Variants in LRRC7 observed in about 807,000 individuals in gnomAD.
The protein encoded by LRRC7 is leucine-rich repeat-containing protein 7.
A neutral mutation model predicts 175.7 loss-of-function variants in LRRC7; 23 were observed. That is an observed-to-expected ratio of 0.13 (90% CI 0.09 to 0.19). LRRC7 has a LOEUF of 0.19. LRRC7 is among the 10% of genes least tolerant of loss of function. The probability of loss-of-function intolerance (pLI) is 1.00; values close to 1 mark genes in which losing one functional copy is unlikely to be tolerated. For synonymous variants in LRRC7, 685 were observed against 680.9 expected (o/e 1.01, Z -0.09); for missense variants, 1,354 against 1,904.7 (o/e 0.71, Z 5.38).
At chr1:69,682,336 A>T (rs1402707221) in intron 2 of LRRC7, among the ~76,000 whole-genome samples, 2 of 152,248 alleles carry the variant, frequency 1.3e-5, no homozygotes, top group African/African-American at 4.8e-5. Flanking sequence ...GAAGAAAGTG[A>T]TAAGTCCAGC....
chr1:69,790,163 G>A (rs1208342243), intron 3 of LRRC7, among the ~76,000 whole-genome samples: 3 of 151,994 alleles, frequency 2.0e-5, no homozygotes, highest in African/African-American at 7.2e-5. Flanking sequence ...GTTAGGTAAT[G>A]TATTGTTCTC....
intron 2 of LRRC7, among the ~76,000 whole-genome samples, chr1:69,739,372 T>C (rs527456763): frequency 7.9e-5 from 12 of 152,164 alleles, no homozygotes; most frequent in African/African-American, 2.4e-4. Flanking sequence ...CCATAGGGCT[T>C]TCAGCTGGTC....
At chr1:70,116,545 T>TAAA (rs1665868868) in intron 26 of LRRC7, among the ~76,000 whole-genome samples, 1 of 46,532 alleles carries the variant, frequency 2.1e-5, no homozygotes, top group Admixed American at 2.5e-4. Context: ...AGACTCCATG[T>TAAA]CAAAAAAAAA....
intron 1 of LRRC7, among the ~76,000 whole-genome samples, chr1:69,651,884 T>C (rs1655883704): frequency 6.6e-6 from 1 of 151,990 alleles, no homozygotes; most frequent in Non-Finnish European, 1.5e-5. Context: ...CTGGCAGAGT[T>C]TGCATTCCTG....
chr1:69,962,505 T>A (rs1246415430), intron 8 of LRRC7, among the ~76,000 whole-genome samples: 2 of 152,174 alleles, frequency 1.3e-5, no homozygotes, highest in Admixed American at 1.3e-4. Context: ...AATATAAATT[T>A]TTCTGTTATA....
chr1:69,879,234 A>AAAC (rs1686349892), intron 7 of LRRC7, among the ~76,000 whole-genome samples: 2 of 142,940 alleles, frequency 1.4e-5, no homozygotes, highest in South Asian at 4.3e-4. Context: ...AAAAAAAAAA[A>AAAC]AAGACTGCGC....
At chr1:69,708,789 T>C (rs1052302359) in intron 2 of LRRC7, among the ~76,000 whole-genome samples, 1 of 152,162 alleles carries the variant, frequency 6.6e-6, no homozygotes, top group Non-Finnish European at 1.5e-5. Flanking sequence ...TGGGCTAACC[T>C]GGACAGGTTT....
intron 2 of LRRC7, among the ~76,000 whole-genome samples, chr1:69,718,745 C>T (rs1666025627): frequency 6.6e-6 from 1 of 151,786 alleles, no homozygotes; most frequent in Admixed American, 6.6e-5. Context: ...GAAAAACTGA[C>T]TTCCAGTGTC....
chr1:70,045,614 T>A (rs1400187383), intron 22 of LRRC7, among the ~76,000 whole-genome samples: 1 of 152,160 alleles, frequency 6.6e-6, no homozygotes, highest in Non-Finnish European at 1.5e-5. Context: ...ATAGGCACCT[T>A]TCTTATAGGG....
At position 69,881,360 on chromosome 1, in the gene LRRC7, T is replaced by C. The variant is rs143688609; in HGVS notation, c.647+43077T>C. 8.0e-3 allele frequency among the ~76,000 whole-genome samples: 1,225 copies of C among 152,320 alleles called. 8 individuals are homozygous for C. The highest frequency in any genetic ancestry group is 0.037 in the South Asian group (178 of 4,822). ...ATGAAACTATTTCCAATATTATTCC[T>C]ATCAAAATTTCCAATGAAACCAGTA... On this transcript the variant is annotated intron_variant, in intron 7 of 26. Coordinates refer to ENST00000651989, the MANE Select transcript of LRRC7 (RefSeq NM_001370785.2).
intron 3 of LRRC7, among the ~76,000 whole-genome samples, chr1:69,770,571 T>C (rs1672124573): frequency 6.6e-6 from 1 of 152,230 alleles, no homozygotes; most frequent in South Asian, 2.1e-4. Flanking sequence ...AAACTACTTG[T>C]ATCACTATAA....
At chr1:69,813,848 G>A (rs1339834869) in intron 4 of LRRC7, among the ~76,000 whole-genome samples, 5 of 152,160 alleles carry the variant, frequency 3.3e-5, no homozygotes, top group African/African-American at 9.6e-5. Flanking sequence ...CTTGGATTAC[G>A]TGGTCTACAA....
chr1:69,719,933 G>A (rs558387634), intron 2 of LRRC7, among the ~76,000 whole-genome samples: 44 of 151,588 alleles, frequency 2.9e-4, no homozygotes, highest in African/African-American at 9.6e-4. Flanking sequence ...CACAAACACT[G>A]CCAACTTACA....
chr1:70,095,155 G>A (rs1174614625), intron 25 of LRRC7, among the ~76,000 whole-genome samples: 1 of 152,020 alleles, frequency 6.6e-6, no homozygotes, highest in African/African-American at 2.4e-5. Context: ...AAAGTAATTT[G>A]AAAAAATTTA....
chr1:69,607,628 T>C (rs1373776126), intron 1 of LRRC7: 1 of 152,102 alleles, frequency 6.6e-6, no homozygotes, highest in Non-Finnish European at 1.5e-5. Flanking sequence ...GGGTTAATTT[T>C]GTCCTTATTT....
At chr1:69,913,661 A>G (rs1190381784) in intron 7 of LRRC7, among the ~76,000 whole-genome samples, 1 of 152,024 alleles carries the variant, frequency 6.6e-6, no homozygotes, top group Non-Finnish European at 1.5e-5. Context: ...ACAGGCACCC[A>G]TGACCACGCC....
intron 2 of LRRC7, among the ~76,000 whole-genome samples, chr1:69,718,763 T>A (rs571246849): frequency 6.6e-6 from 1 of 151,880 alleles, no homozygotes; most frequent in South Asian, 2.1e-4. Flanking sequence ...GTCTGTTTTG[T>A]TAAAAGAAAC....
chr1:69,791,543 T>C (rs926491270), intron 3 of LRRC7, among the ~76,000 whole-genome samples: 1 of 151,954 alleles, frequency 6.6e-6, no homozygotes, highest in African/African-American at 2.4e-5. Context: ...TATGAAGCAG[T>C]TGGGGGAGGG....
intron 4 of LRRC7, among the ~76,000 whole-genome samples, chr1:69,823,925 G>A (rs911559628): frequency 3.3e-5 from 5 of 152,042 alleles, no homozygotes; most frequent in Admixed American, 1.3e-4. Flanking sequence ...CAGCCAGAAG[G>A]TATATAGCTA....
Sources: gnomAD v4.1 joint callset for allele counts (sites outside exome capture counted in the v4.1 genomes callset) on GRCh38, gnomAD v4.1.1 for gene constraint, MANE v1.5 for transcripts, NCBI Gene and HGNC (gene_info 2026-07-23, HGNC 2026-07-21) for gene names.